The following MS4A10 variants were observed in gnomAD, a reference collection of about 807,000 sequenced individuals.
MS4A10 encodes the protein membrane spanning 4-domains A10, also known as membrane-spanning 4-domains subfamily A member 10.
Under a neutral mutation model 27.7 loss-of-function variants are expected in MS4A10, and 27 were observed. The observed-to-expected ratio is 0.98, with a 90% CI of 0.72 to 1.35. The LOEUF is 1.35. Ranked by LOEUF, MS4A10 falls within the 40% of genes most tolerant of loss-of-function variation. MS4A10 has a pLI of 0.00. For synonymous variants in MS4A10, 139 were observed against 131.2 expected (o/e 1.06, Z -0.41); for missense variants, 338 against 324.7 (o/e 1.04, Z -0.32).
intron 6 of MS4A10, among the ~76,000 whole-genome samples, chr11:60,796,260 G>T (rs1189108368): frequency 6.6e-6 from 1 of 152,026 alleles, no homozygotes; most frequent in Non-Finnish European, 1.5e-5. Flanking sequence ...GATAAATATA[G>T]CTGTATTTAA....
At chr11:60,794,507 T>C (rs1854490435) in intron 5 of MS4A10, among the ~76,000 whole-genome samples, 1 of 152,146 alleles carries the variant, frequency 6.6e-6, no homozygotes, top group African/African-American at 2.4e-5. Flanking sequence ...CCAAGTCCAC[T>C]TTGTTACCCT....
At position 60,800,600 on chromosome 11, in the gene MS4A10, C is replaced by T. The variant is rs1312417143; in HGVS notation, c.*691C>T. On this transcript the variant is annotated 3_prime_UTR_variant, in exon 8 of 8. Transcript: ENST00000308287. ...AATTCTCCCTCTTTGTCATCTCTTT[C>T]GCTGCCACTTCTGGCTGTGGTCACT... 1 of 152,282 alleles carries T rather than the reference C, an allele frequency of 6.6e-6. No homozygotes were observed. Among genetic ancestry groups the T allele is most frequent in the African/African-American group, 2.4e-5 (1 of 41,454 alleles). The allele number at this position is 152,282 out of a possible 1,614,324, so 9.4% of individuals were successfully genotyped here.
At chr11:60,793,019 C>T (rs1210965826) in intron 4 of MS4A10, among the ~76,000 whole-genome samples, 1 of 152,216 alleles carries the variant, frequency 6.6e-6, no homozygotes, top group East Asian at 1.9e-4. Flanking sequence ...TAGCACAAGA[C>T]TGGATGGGTG....
chr11:60,792,396 G>A, intron 4 of MS4A10, 75 bp downstream of exon 4: 4 of 1,175,976 alleles, frequency 3.4e-6, no homozygotes, highest in South Asian at 1.2e-5. Flanking sequence ...TGTCTGTAGG[G>A]GTGATTGTGA....
At chr11:60,790,255 C>T in intron 1 of MS4A10, 59 bp from the exon 2 acceptor site, 7 of 1,447,484 alleles carry the variant, frequency 4.8e-6, no homozygotes, top group Non-Finnish European at 6.7e-6. Context: ...CAGAGGCTCA[C>T]CCAGGCACAA....
At chr11:60,789,548 C>A (rs1248524241) in intron 1 of MS4A10, among the ~76,000 whole-genome samples, 4 of 152,194 alleles carry the variant, frequency 2.6e-5, no homozygotes, top group African/African-American at 9.7e-5. Context: ...GTTGAGCCAA[C>A]AGTGCATGAA....
At chr11:60,792,017 G>C (rs962977357) in intron 3 of MS4A10, among the ~76,000 whole-genome samples, 1 of 152,206 alleles carries the variant, frequency 6.6e-6, no homozygotes, top group Non-Finnish European at 1.5e-5. Context: ...GCAGGGCACA[G>C]CTTGGTCCAA....
At chr11:60,786,986 C>T (rs1256964549) in intron 1 of MS4A10, among the ~76,000 whole-genome samples, 1 of 152,216 alleles carries the variant, frequency 6.6e-6, no homozygotes, top group Non-Finnish European at 1.5e-5. Context: ...CTGACAACTT[C>T]CAGCGCTCAG....
chr11:60,800,011 C>T lies in MS4A10; in HGVS notation c.*102C>T. The T allele has an allele frequency of 6.3e-7, 1 of 1,581,538 alleles. No homozygotes were observed. Among genetic ancestry groups the T allele is most frequent in the Non-Finnish European group, 8.6e-7 (1 of 1,159,486 alleles). The stretch of plus-strand genomic sequence containing the variant: ...AGATGAGATTTGCACATACAAAAGG[C>T]TAGAGCGATGGTCTATACAGCAAAG... On this transcript the variant is annotated 3_prime_UTR_variant, in exon 8 of 8. Transcript: ENST00000308287.
rs1343627780 is a variant in MS4A10, at chr11:60,799,865, A to G, written c.760A>G (p.Ile254Val). The G allele has an allele frequency of 6.2e-7, 1 of 1,607,004 alleles. No homozygotes were observed. Among genetic ancestry groups the G allele is most frequent in the African/African-American group, 1.3e-5 (1 of 74,820 alleles). The change falls in exon 8 of 8, where the codon ATA becomes GTA. Residue 254 changes from isoleucine to valine, a missense_variant. Transcript: ENST00000308287. ...EVKQVAPDTW[I>V]VTDGAAIWTQ... Reference sequence around the variant, plus strand: ...TAAGCAAGTTGCCCCGGACACATGGATAGTCACTGACGGAGCTGCGATCTG... The same window carrying G: ...TAAGCAAGTTGCCCCGGACACATGGGTAGTCACTGACGGAGCTGCGATCTG...
chr11:60,790,598 G>A (rs942818926), intron 2 of MS4A10, 80 bp downstream of exon 2: 2 of 1,449,684 alleles, frequency 1.4e-6, no homozygotes, highest in South Asian at 1.3e-5. Context: ...GGGGCCCCAA[G>A]GGAAGAAAGG....
intron 1 of MS4A10, among the ~76,000 whole-genome samples, chr11:60,788,933 GA>G (rs1854381584): frequency 6.6e-6 from 1 of 152,210 alleles, no homozygotes; most frequent in Admixed American, 6.5e-5. Context: ...CTGACTTCCT[GA>G]GTATTAAGGG....
intron 4 of MS4A10, 38 bp from the exon 5 acceptor site, chr11:60,793,933 AC>A (rs1415579930): frequency 1.9e-6 from 3 of 1,610,464 alleles, no homozygotes; most frequent in Non-Finnish European, 2.5e-6. Context: ...CCAGGTCTCC[AC>A]CCTTTGGACA....
intron 7 of MS4A10, among the ~76,000 whole-genome samples, chr11:60,799,358 T>TGTGCA (rs1854591739): frequency 1.3e-5 from 2 of 152,238 alleles, no homozygotes; most frequent in Admixed American, 1.3e-4. Context: ...TCAGGACTTT[T>TGTGCA]GCTTATTTGT....
At position 60,798,509 on chromosome 11, in the gene MS4A10, T is replaced by C. The variant is rs1347062500; in HGVS notation, c.717T>C (p.His239=). 2 of 1,613,366 alleles carry C rather than the reference T, an allele frequency of 1.2e-6. No homozygotes were observed. Among genetic ancestry groups the C allele is most frequent in the Admixed American group, 3.3e-5 (2 of 59,976 alleles). The part of the protein sequence containing the change: ...VIQGDAQHKQ[H]QRLREVKQVA... ...AAGGCGACGCACAACACAAGCAACA[T>C]CAGAGGTGAAGAGGTTTGGCCCTGG... Residue 239 remains histidine, a synonymous_variant, in exon 7 of 8, where the codon CAT becomes CAC. Coordinates refer to ENST00000308287, the MANE Select transcript of MS4A10 (RefSeq NM_206893.4).
rs1854480724 is a variant in MS4A10, at chr11:60,794,074, C to G, written c.463C>G (p.Pro155Ala). The change falls in exon 5 of 8, where the codon CCG (proline) becomes GCG (alanine). Residue 155 changes from proline (P) to alanine (A), a missense_variant. By Grantham distance (27) the Pro-to-Ala change is conservative. Coordinates refer to ENST00000308287, the MANE Select transcript of MS4A10 (RefSeq NM_206893.4). ...CTTTCTGGAGAGCCCATTTGAGTCC[C>G]CGATCTGGAGAATGTACCCCAACTC... ...DLFLESPFES[P>A]IWRMYPNSTV... The G allele has an allele frequency of 6.2e-7, 1 of 1,614,042 alleles. No homozygotes were observed. Among genetic ancestry groups the G allele is most frequent in the African/African-American group, 1.3e-5 (1 of 74,930 alleles).
chr11:60,792,117 G>T (rs1344329561), intron 3 of MS4A10, 148 bp from the exon 4 acceptor site: 2 of 670,408 alleles, frequency 3.0e-6, no homozygotes, highest in Non-Finnish European at 5.3e-6. Flanking sequence ...TGGCAGGCAA[G>T]AGGAGCTCAC....
intron 1 of MS4A10, among the ~76,000 whole-genome samples, chr11:60,785,707 C>G (rs1176597230): frequency 6.6e-6 from 1 of 152,162 alleles, no homozygotes; most frequent in Non-Finnish European, 1.5e-5. Flanking sequence ...GTCGGCCTCT[C>G]CCCTGCGGAG....
chr11:60,793,936 CT>C (rs1242202481), intron 4 of MS4A10, 35 bp from the exon 5 acceptor site: 1 of 1,611,302 alleles, frequency 6.2e-7, no homozygotes, highest in Non-Finnish European at 8.5e-7. Context: ...GGTCTCCACC[CT>C]TTGGACAGCT....
Sources: allele counts gnomAD v4.1 joint callset (sites outside exome capture counted in the v4.1 genomes callset), GRCh38; gene constraint gnomAD v4.1.1; transcripts MANE v1.5; gene names NCBI Gene and HGNC (gene_info 2026-07-23, HGNC 2026-07-21).